Variants in VRK2 observed in about 807,000 individuals in gnomAD.
VRK2 encodes the protein serine/threonine-protein kinase VRK2.
Under a neutral mutation model 57.6 loss-of-function variants are expected in VRK2, and 60 were observed. The observed-to-expected ratio is 1.04, with a 90% confidence interval of 0.85 to 1.29. VRK2 has a LOEUF of 1.29. Ranked by LOEUF, VRK2 falls within the 50% of genes most tolerant of loss-of-function variation. VRK2 has a pLI of 0.00. For missense variants in VRK2, 705 were observed against 588.1 expected, an observed-to-expected ratio of 1.20 and a Z score of -2.06; for synonymous variants, 231 against 199.2, an observed-to-expected ratio of 1.16 and a Z score of -1.35.
At chr2:57,956,075 G>T (rs773519802) in intron 1 of VRK2, among the ~76,000 whole-genome samples, 51 of 152,252 alleles carry the variant, frequency 3.3e-4, no homozygotes, top group Non-Finnish European at 6.0e-4. Flanking sequence ...ATTTATAAAA[G>T]AAATGAGCAC....
At chr2:58,009,650 A>G (rs544830235) in intron 1 of VRK2, among the ~76,000 whole-genome samples, 2 of 151,508 alleles carry the variant, frequency 1.3e-5, no homozygotes, top group East Asian at 1.9e-4. Context: ...TCTAATCACT[A>G]ATGTTCTTTC....
At chr2:57,945,816 G>A (rs1034210210) in intron 1 of VRK2, among the ~76,000 whole-genome samples, 1 of 152,110 alleles carries the variant, frequency 6.6e-6, no homozygotes, top group Non-Finnish European at 1.5e-5. Flanking sequence ...AGACCTATCA[G>A]TGCAACAAGA....
At chr2:58,081,333 A>G (rs1670840911) in intron 2 of VRK2, among the ~76,000 whole-genome samples, 1 of 152,036 alleles carries the variant, frequency 6.6e-6, no homozygotes, top group African/African-American at 2.4e-5. Flanking sequence ...GTAAGATGTC[A>G]TCACTTTTAA....
intron 7 of VRK2, among the ~76,000 whole-genome samples, chr2:58,114,186 T>C (rs1573184204): frequency 6.6e-6 from 1 of 152,050 alleles, no homozygotes; most frequent in East Asian, 1.9e-4. Flanking sequence ...GTCTAAGAAT[T>C]GGGAGAGCTA....
intron 1 of VRK2, among the ~76,000 whole-genome samples, chr2:58,011,883 A>T (rs1350939585): frequency 1.3e-5 from 2 of 152,152 alleles, no homozygotes; most frequent in South Asian, 4.1e-4. Context: ...ATTTTCTAAT[A>T]TCAACTGGGT....
intron 1 of VRK2, among the ~76,000 whole-genome samples, chr2:58,006,941 C>G (rs1321426750): frequency 1.3e-5 from 2 of 152,084 alleles, no homozygotes; most frequent in Admixed American, 1.3e-4. Context: ...GATCCAGAAT[C>G]CTTCTAATGA....
Position 58,159,843 on chromosome 2 carries a change from TAAA to T in VRK2, c.*154_*156del, listed in dbSNP as rs764408622. 1 of 1,607,794 alleles carries T rather than the reference TAAA, an allele frequency of 6.2e-7. No individual in the cohort carries two copies. The highest frequency in any genetic ancestry group is 1.1e-5 in the South Asian group (1 of 90,282). ...ATTTTAACAAAGTTTGTGGACACTC[TAAA>T]AAATAAAATTGCTTTGTACTAGAAA... On this transcript the variant is annotated 3_prime_UTR_variant, in exon 13 of 13. Transcript: ENST00000340157.
chr2:58,120,179 CTTTTCTTTTTTTTTTTTTT>C (rs1480859081), intron 7 of VRK2, among the ~76,000 whole-genome samples: 2 of 93,370 alleles, frequency 2.1e-5, no homozygotes, highest in Non-Finnish European at 2.1e-5. Context: ...ATTTTTTTTT[CTTTTCTTTTTTTTTTTTTT>C]TTTTTTTTTT....
intron 1 of VRK2, among the ~76,000 whole-genome samples, chr2:58,007,758 T>C (rs1317313271): frequency 6.6e-6 from 1 of 152,092 alleles, no homozygotes; most frequent in African/African-American, 2.4e-5. Context: ...ACCCCCATAT[T>C]GTTCAATGGT....
chr2:57,919,739 G>A (rs1438889535), intron 1 of VRK2, among the ~76,000 whole-genome samples: 1 of 152,068 alleles, frequency 6.6e-6, no homozygotes, highest in Non-Finnish European at 1.5e-5. Context: ...GGGCTACAGA[G>A]TCAAATAATG....
intron 2 of VRK2, among the ~76,000 whole-genome samples, chr2:58,067,294 G>C (rs1397825307): frequency 7.2e-5 from 11 of 152,084 alleles, no homozygotes; most frequent in Admixed American, 7.2e-4. Context: ...CCTGTTGTGA[G>C]ACTTCACCTT....
At chr2:57,984,612 T>C (rs990620739) in intron 1 of VRK2, among the ~76,000 whole-genome samples, 6 of 152,092 alleles carry the variant, frequency 3.9e-5, no homozygotes, top group Admixed American at 2.0e-4. Flanking sequence ...ATAAAGATGC[T>C]TAACTCAACC....
At chr2:58,005,636 T>C (rs1034339517) in intron 1 of VRK2, among the ~76,000 whole-genome samples, 2 of 152,048 alleles carry the variant, frequency 1.3e-5, no homozygotes, top group Non-Finnish European at 2.9e-5. Flanking sequence ...ATGTAAGATA[T>C]ATAAAAAGAC....
Position 57,966,340 on chromosome 2 carries a change from A to C in VRK2, c.-439+58501A>C, listed in dbSNP as rs116481954. Among the ~76,000 whole-genome samples the C allele has an allele frequency of 5.1e-3, 778 of 152,294 alleles. 8 individuals are homozygous for C. Among genetic ancestry groups the C allele is most frequent in the African/African-American group, 0.018 (735 of 41,564 alleles). ...AGTCACACTGTGGTCACTTTGACCA[A>C]CTTAGCTTCCCTACATGACCAGCTA... On this transcript the variant is annotated intron_variant, in intron 1 of 15. Transcript: ENST00000417641.
intron 7 of VRK2, among the ~76,000 whole-genome samples, chr2:58,121,662 A>G (rs985569917): frequency 2.6e-5 from 4 of 152,228 alleles, no homozygotes; most frequent in Non-Finnish European, 5.9e-5. Context: ...CCAAAAACTT[A>G]AACTAAAATT....
At chr2:58,136,218 A>G (rs1272036117) in intron 10 of VRK2, among the ~76,000 whole-genome samples, 1 of 152,092 alleles carries the variant, frequency 6.6e-6, no homozygotes, top group Admixed American at 6.5e-5. Flanking sequence ...CTATCCCCAC[A>G]TGAGTCTTTT....
At chr2:57,910,172 G>A (rs1039694167) in intron 1 of VRK2, among the ~76,000 whole-genome samples, 23 of 150,860 alleles carry the variant, frequency 1.5e-4, no homozygotes, top group African/African-American at 4.4e-4. Flanking sequence ...TACAAAACAC[G>A]TAGCTAGCTA....
chr2:57,944,798 CA>C (rs933419455), intron 1 of VRK2, among the ~76,000 whole-genome samples: 4 of 141,254 alleles, frequency 2.8e-5, no homozygotes, highest in African/African-American at 1.2e-4. Flanking sequence ...AGTGAAATGG[CA>C]AAAAAAAGTC....
At position 58,048,930 on chromosome 2, in the gene VRK2, G is replaced by C. The variant is rs748359792; in HGVS notation, c.99G>C (p.Lys33Asn). The part of the protein sequence containing the change: ...DMEGNQWVLG[K>N]KIGSGGFGLI... Reference sequence around the variant, plus strand: ...AAGGCAATCAGTGGGTACTGGGCAAGAAGATTGGCTCTGGAGGATTTGGAT... The same window carrying C: ...AAGGCAATCAGTGGGTACTGGGCAACAAGATTGGCTCTGGAGGATTTGGAT... Residue 33 changes from lysine to asparagine, a missense_variant, in exon 2 of 13, where the codon AAG becomes AAC. Physicochemically the swap from Lys to Asn is moderately conservative, Grantham distance 94. Coordinates refer to ENST00000340157, the MANE Select transcript of VRK2 (RefSeq NM_006296.7). 3.7e-6 allele frequency: 6 copies of C among 1,613,900 alleles called. No individual in the cohort carries two copies. The highest frequency in any genetic ancestry group is 5.1e-6 in the Non-Finnish European group (6 of 1,179,892).
Sources: allele counts gnomAD v4.1 joint callset (sites outside exome capture counted in the v4.1 genomes callset), GRCh38; gene constraint gnomAD v4.1.1; transcripts MANE v1.5; gene names NCBI Gene and HGNC (gene_info 2026-07-23, HGNC 2026-07-21).